The following GBE1 variants were observed in gnomAD, a reference collection of about 807,000 sequenced individuals.
GBE1 encodes 1,4-alpha-glucan-branching enzyme.
Under a neutral mutation model 88.8 loss-of-function variants are expected in GBE1, and 70 were observed. The observed-to-expected ratio is 0.79, with a 90% CI of 0.65 to 0.96. The LOEUF (loss-of-function observed/expected upper bound fraction) is 0.96, where lower values mean the gene tolerates loss of function less well. GBE1 is among the 40% of genes least tolerant of loss of function. The pLI is 0.00. For missense variants in GBE1, 872 were observed against 871.0 expected, an observed-to-expected ratio of 1.00 and a Z score of -0.01; for synonymous variants, 284 against 300.1, an observed-to-expected ratio of 0.95 and a Z score of 0.56.
chr3:81,610,677 G>A lies in GBE1; in HGVS notation c.993-16654C>T, dbSNP rs201749888. Among the ~76,000 whole-genome samples, 9 of 152,110 alleles carry A rather than the reference G, an allele frequency of 5.9e-5. No homozygotes were observed. In the South Asian group the frequency reaches 6.2e-4, roughly 11 times the overall value. ...AGCTCTCTGAAGCGCCAAGGCTTGCGGAGAACACCTGTGACTGCAGGTGGC... is the reference window on the plus strand; with the variant it reads ...AGCTCTCTGAAGCGCCAAGGCTTGCAGAGAACACCTGTGACTGCAGGTGGC... On this transcript the variant is annotated intron_variant, in intron 7 of 15. Transcript: ENST00000429644.
intron 3 of GBE1, among the ~76,000 whole-genome samples, 188 bp downstream of exon 3, chr3:81,670,650 A>G (rs1705176969): frequency 6.6e-6 from 1 of 152,166 alleles, no homozygotes; most frequent in East Asian, 1.9e-4. Context: ...CTTACCAGCC[A>G]AACAATTCTA....
intron 8 of GBE1, among the ~76,000 whole-genome samples, chr3:81,592,148 T>C (rs1481188115): frequency 4.6e-5 from 7 of 152,168 alleles, no homozygotes; most frequent in Admixed American, 2.0e-4. Context: ...TATGTGTGTG[T>C]GCGCGCGTGT....
At chr3:81,626,893 G>A (rs1235081492) in intron 7 of GBE1, among the ~76,000 whole-genome samples, 8 of 152,154 alleles carry the variant, frequency 5.3e-5, no homozygotes, top group Non-Finnish European at 4.4e-5. Flanking sequence ...AAAGAAATGT[G>A]CTGAATTTGA....
intron 12 of GBE1, among the ~76,000 whole-genome samples, chr3:81,555,840 A>G (rs1471198893): frequency 6.6e-6 from 1 of 152,208 alleles, no homozygotes; most frequent in Non-Finnish European, 1.5e-5. Context: ...TTAGCTGGAT[A>G]AACTGCTTTC....
chr3:81,599,950 T>C (rs1704009734), intron 7 of GBE1, among the ~76,000 whole-genome samples: 1 of 152,240 alleles, frequency 6.6e-6, no homozygotes, highest in South Asian at 2.1e-4. Flanking sequence ...TCCCTTCTGA[T>C]TTATTTCTAA....
At chr3:81,746,333 G>C (rs991773753) in intron 1 of GBE1, among the ~76,000 whole-genome samples, 1 of 152,072 alleles carries the variant, frequency 6.6e-6, no homozygotes, top group Non-Finnish European at 1.5e-5. Context: ...CACAATCTTA[G>C]CTCACTGCAG....
intron 12 of GBE1, among the ~76,000 whole-genome samples, chr3:81,553,336 ATTTT>A (rs71633682): frequency 0.13 from 19,217 of 150,948 alleles, 1,735 homozygotes; most frequent in East Asian, 0.37. Flanking sequence ...TTGGATATAT[ATTTT>A]TTTCTTTACT....
chr3:81,639,780 T>G (rs1179732561), intron 7 of GBE1, among the ~76,000 whole-genome samples: 3 of 151,802 alleles, frequency 2.0e-5, no homozygotes, highest in African/African-American at 7.3e-5. Context: ...GGATTTGGGG[T>G]CCTCAATCTC....
chr3:81,755,614 T>C (rs1706591520), intron 1 of GBE1, among the ~76,000 whole-genome samples: 1 of 152,254 alleles, frequency 6.6e-6, no homozygotes, highest in Admixed American at 6.5e-5. Context: ...CTACAGTATA[T>C]ATACACAATG....
chr3:81,646,956 CTTT>C (rs34290906), intron 5 of GBE1, among the ~76,000 whole-genome samples: 2 of 132,432 alleles, frequency 1.5e-5, no homozygotes. Context: ...CATAAGGTAG[CTTT>C]TTTTTTTTTT....
intron 15 of GBE1, 96 bp from the exon 16 acceptor site, chr3:81,490,559 G>T: frequency 1.0e-6 from 1 of 969,414 alleles, no homozygotes; most frequent in Non-Finnish European, 1.6e-6. Flanking sequence ...TCTCACATCT[G>T]CCTAAAGTTA....
At chr3:81,582,726 T>C (rs1286845889) in intron 10 of GBE1, among the ~76,000 whole-genome samples, 1 of 152,110 alleles carries the variant, frequency 6.6e-6, no homozygotes, top group Non-Finnish European at 1.5e-5. Flanking sequence ...CTAAGTCTTA[T>C]ATATTGCACA....
At chr3:81,543,004 T>C (rs889172267) in intron 12 of GBE1, among the ~76,000 whole-genome samples, 4 of 152,224 alleles carry the variant, frequency 2.6e-5, no homozygotes, top group Non-Finnish European at 5.9e-5. Flanking sequence ...TAAGATTTTG[T>C]TTATATTTTA....
chr3:81,536,977 GA>G lies in GBE1; in HGVS notation c.1736del (p.Phe579SerfsTer2), dbSNP rs1703084429. ...LTDDDLLRYKFLNNFDRDMNR... is the reference protein window; with the variant it reads ...LTDDDLLRYKXLNNFDRDMNR... ...TCATATCCCTGTCAAAATTATTTAG[GA>G]ACTTGTAGCGAAGAAGGTCGTCGTC... is the stretch of plus-strand genomic sequence containing the variant. On this transcript the variant is annotated frameshift_variant, in exon 13 of 16. Transcript: ENST00000429644. LOFTEE classifies it high-confidence loss of function. The G allele has an allele frequency of 6.3e-7, 1 of 1,591,204 alleles. No individual in the cohort carries two copies. The highest frequency in any genetic ancestry group is 8.5e-7 in the Non-Finnish European group (1 of 1,170,128).
intron 12 of GBE1, among the ~76,000 whole-genome samples, chr3:81,555,581 A>G (rs1197225164): frequency 6.6e-6 from 1 of 152,166 alleles, no homozygotes; most frequent in Non-Finnish European, 1.5e-5. Flanking sequence ...CTGGCTGAGT[A>G]AAGTTTCTTT....
Position 81,733,906 on chromosome 3 carries a change from T to C in GBE1, c.143+27469A>G, listed in dbSNP as rs1218637910. On this transcript the variant is annotated intron_variant, in intron 1 of 15. Coordinates refer to ENST00000429644, the MANE Select transcript of GBE1 (RefSeq NM_000158.4). This position sits in a 1 kb window ranked among gnomAD's most constrained non-coding sequence, Gnocchi z 4.0. ...ATACTCAATAAATTGCTGGCATGGATTCTGTTTCTACACTTGAACAAAAGG... is the reference window on the plus strand; with the variant it reads ...ATACTCAATAAATTGCTGGCATGGACTCTGTTTCTACACTTGAACAAAAGG... Among the ~76,000 whole-genome samples the C allele has an allele frequency of 1.3e-5, 2 of 152,200 alleles. No individual in the cohort carries two copies. Among genetic ancestry groups the C allele is most frequent in the Non-Finnish European group, 2.9e-5 (2 of 68,022 alleles).
chr3:81,524,285 G>T (rs1202256645), intron 14 of GBE1, among the ~76,000 whole-genome samples: 1 of 151,722 alleles, frequency 6.6e-6, no homozygotes, highest in Non-Finnish European at 1.5e-5. Flanking sequence ...TTTGTCATTT[G>T]TATGTCTTCT....
intron 1 of GBE1, among the ~76,000 whole-genome samples, chr3:81,712,967 G>T (rs1705890872): frequency 6.6e-6 from 1 of 151,590 alleles, no homozygotes; most frequent in African/African-American, 2.4e-5. Context: ...AGACTTTAAA[G>T]TGAGTATTTT....
intron 14 of GBE1, among the ~76,000 whole-genome samples, chr3:81,532,477 A>G (rs1703023001): frequency 6.6e-6 from 1 of 152,024 alleles, no homozygotes; most frequent in African/African-American, 2.4e-5. Flanking sequence ...GGTTTCGTAT[A>G]CTTTTTCTAT....
Sources: allele counts gnomAD v4.1 joint callset (sites outside exome capture counted in the v4.1 genomes callset), GRCh38; gene constraint gnomAD v4.1.1; non-coding constraint Gnocchi (gnomAD v3.1); transcripts MANE v1.5; gene names NCBI Gene and HGNC (gene_info 2026-07-23, HGNC 2026-07-21).